Variants in LRRC75A observed in about 807,000 individuals in gnomAD.
LRRC75A encodes the protein leucine-rich repeat-containing protein 75A.
Under a neutral mutation model 26.0 loss-of-function variants are expected in LRRC75A, and 12 were observed. That is an observed-to-expected ratio of 0.46 (90% CI 0.30 to 0.75). LRRC75A has a LOEUF of 0.75. Among genes scored for constraint, LRRC75A ranks in the 30% least tolerant of loss-of-function variants. The pLI is 0.08. For missense variants in LRRC75A, 410 were observed against 486.6 expected (o/e 0.84, Z 1.48); for synonymous variants, 223 against 219.3 (o/e 1.02, Z -0.15).
chr17:16,473,138 T>C (rs2093811676), intron 1 of LRRC75A, among the ~76,000 whole-genome samples: 1 of 151,884 alleles, frequency 6.6e-6, no homozygotes, highest in Non-Finnish European at 1.5e-5. Context: ...TCTGTGTGTG[T>C]GTGTGTGTGT....
Position 16,492,149 on chromosome 17 carries a change from T to C in LRRC75A, c.-159A>G. The C allele has an allele frequency of 2.2e-6, 1 of 460,022 alleles. No homozygotes were observed. The highest frequency in any genetic ancestry group is 2.8e-6 in the Non-Finnish European group (1 of 352,926). 28.5% of individuals were successfully genotyped at this position (460,022 alleles called of 1,614,324 possible). Reference sequence around the variant, plus strand: ...GCGGGGGCGGGCGGGCGGGCGGCTGTCGGCGCTCCCCGCGCTCCTCCCTCT... The same window carrying C: ...GCGGGGGCGGGCGGGCGGGCGGCTGCCGGCGCTCCCCGCGCTCCTCCCTCT... On this transcript the variant is annotated 5_prime_UTR_variant, in exon 1 of 4. Coordinates refer to ENST00000470794, the MANE Select transcript of LRRC75A (RefSeq NM_001113567.3).
Position 16,491,822 on chromosome 17 carries a change from T to G in LRRC75A, c.169A>C (p.Met57Leu). 1 of 1,410,140 alleles carries G rather than the reference T, an allele frequency of 7.1e-7. No individual in the cohort carries two copies. Among genetic ancestry groups the G allele is most frequent in the Non-Finnish European group, 9.3e-7 (1 of 1,079,380 alleles). 87.4% of individuals were successfully genotyped at this position (1,410,140 alleles called of 1,614,324 possible). The part of the protein sequence containing the change: ...GMPPYHRRVG[M>L]VQELLRMVRQ... ...ACCATCCGCAGCAGCTCCTGGACCATGCCGACTCGCCGGTGGTAGGGGGGC... is the reference window on the plus strand; with the variant it reads ...ACCATCCGCAGCAGCTCCTGGACCAGGCCGACTCGCCGGTGGTAGGGGGGC... Residue 57 changes from methionine (M) to leucine (L), a missense_variant, in exon 1 of 4, where the codon ATG becomes CTG. By Grantham distance (15) the Met-to-Leu change is conservative. Coordinates refer to ENST00000470794, the MANE Select transcript of LRRC75A (RefSeq NM_001113567.3). The surrounding 1 kb of genome is among the most constrained non-coding windows in gnomAD (Gnocchi z 5.9).
At position 16,481,712 on chromosome 17, in the gene LRRC75A, C is replaced by T. The variant is rs529201564; in HGVS notation, c.246+10033G>A. On this transcript the variant is annotated intron_variant, in intron 1 of 3. Coordinates refer to ENST00000470794, the MANE Select transcript of LRRC75A (RefSeq NM_001113567.3). The stretch of plus-strand genomic sequence containing the variant: ...AGGGGAGACATGTCTCCTCCCCGAG[C>T]CCTGTCTGTGCTTGTCCTCATCCTG... Among the ~76,000 whole-genome samples, 32 of 152,210 alleles carry T rather than the reference C, an allele frequency of 2.1e-4. No homozygotes were observed. In the South Asian group the frequency reaches 6.6e-3, roughly 32 times the overall value.
At chr17:16,450,683 AG>A (rs1405666663) in intron 2 of LRRC75A, among the ~76,000 whole-genome samples, 1 of 152,194 alleles carries the variant, frequency 6.6e-6, no homozygotes, top group Non-Finnish European at 1.5e-5. Context: ...GAGGGAAGCA[AG>A]GCGGGTGAAG....
chr17:16,478,822 A>G (rs1052373135), intron 1 of LRRC75A: 6 of 152,208 alleles, frequency 3.9e-5, no homozygotes, highest in Non-Finnish European at 7.3e-5. Context: ...AAACGCCACA[A>G]TGCCAGAAGG....
intron 1 of LRRC75A, among the ~76,000 whole-genome samples, chr17:16,489,456 G>A (rs2093853062): frequency 6.6e-6 from 1 of 152,182 alleles, no homozygotes; most frequent in Non-Finnish European, 1.5e-5. Context: ...AGGCTTGTGT[G>A]TTCTCAAGGC....
chr17:16,447,688 T>G (rs2093597487), intron 3 of LRRC75A, among the ~76,000 whole-genome samples, 157 bp downstream of exon 3: 1 of 152,070 alleles, frequency 6.6e-6, no homozygotes. Context: ...TCTAGATGTT[T>G]CCCCACTCTG....
chr17:16,475,614 T>C (rs1009716441), intron 1 of LRRC75A, among the ~76,000 whole-genome samples: 1 of 152,186 alleles, frequency 6.6e-6, no homozygotes, highest in African/African-American at 2.4e-5. Context: ...TGTGGTGGTG[T>C]GATCCTAGCT....
At chr17:16,479,981 C>T (rs1478119999) in intron 1 of LRRC75A, among the ~76,000 whole-genome samples, 3 of 152,188 alleles carry the variant, frequency 2.0e-5, no homozygotes, top group East Asian at 1.9e-4. Flanking sequence ...ACCTGAGCTC[C>T]GCCTCCTGTC....
At position 16,443,495 on chromosome 17, in the gene LRRC75A, C is replaced by T. The variant is rs2093551716; in HGVS notation, c.*93G>A. ...GGCCCAGGCCAATTTTTGGCAATATCCTTAACCCACCTGATAGGAGAAGCG... is the reference window on the plus strand; with the variant it reads ...GGCCCAGGCCAATTTTTGGCAATATTCTTAACCCACCTGATAGGAGAAGCG... On this transcript the variant is annotated 3_prime_UTR_variant, in exon 4 of 4. Coordinates refer to ENST00000470794, the MANE Select transcript of LRRC75A (RefSeq NM_001113567.3). The T allele has an allele frequency of 2.4e-6, 3 of 1,267,924 alleles. No individual in the cohort carries two copies. The highest frequency in any genetic ancestry group is 1.1e-6 in the Non-Finnish European group (1 of 946,984). The allele number at this position is 1,267,924 out of a possible 1,614,324, so 78.5% of individuals were successfully genotyped here.
intron 1 of LRRC75A, among the ~76,000 whole-genome samples, chr17:16,472,961 T>G (rs1197069229): frequency 6.6e-6 from 1 of 152,196 alleles, no homozygotes; most frequent in African/African-American, 2.4e-5. Flanking sequence ...GAAATTTAAT[T>G]ACTTAAGTTA....
At chr17:16,457,605 A>G (rs12603277) in intron 2 of LRRC75A, among the ~76,000 whole-genome samples, 91,999 of 151,986 alleles carry the variant, frequency 0.61, 28,475 homozygotes, top group Non-Finnish European at 0.66. Context: ...GGCTGGTCTA[A>G]GTGAGCAACA....
intron 3 of LRRC75A, chr17:16,446,807 T>C (rs1425395679): frequency 4.3e-6 from 1 of 232,226 alleles, no homozygotes; most frequent in African/African-American, 2.4e-5. Flanking sequence ...GCCCCCCGTC[T>C]TGCTGTATCC....
intron 1 of LRRC75A, among the ~76,000 whole-genome samples, chr17:16,485,647 TG>T (rs2093844752): frequency 7.7e-6 from 1 of 129,602 alleles, no homozygotes; most frequent in Non-Finnish European, 1.7e-5. Flanking sequence ...TGTGTGTGTG[TG>T]TGTGTGTGTG....
rs2093538335 is a variant in LRRC75A at position 16,442,436 on chromosome 17, T to A, written c.*1152A>T. 1 of 152,316 alleles carries A rather than the reference T, an allele frequency of 6.6e-6. No individual in the cohort carries two copies. The highest frequency in any genetic ancestry group is 6.5e-5 in the Admixed American group (1 of 15,284). The allele number at this position is 152,316 out of a possible 1,614,324, so 9.4% of individuals were successfully genotyped here. ...TCCCAGTCTTCCTGGACTGAACTACTTGGATCTAGGGGTTGCCTGTTATTT... is the reference window on the plus strand; with the variant it reads ...TCCCAGTCTTCCTGGACTGAACTACATGGATCTAGGGGTTGCCTGTTATTT... On this transcript the variant is annotated 3_prime_UTR_variant, in exon 4 of 4. Transcript: ENST00000470794.
chr17:16,488,279 C>G lies in LRRC75A; in HGVS notation c.246+3466G>C, dbSNP rs2093850961. On this transcript the variant is annotated intron_variant, in intron 1 of 3. Transcript: ENST00000470794. ...GAGGAATGGCCTCTCCCATCCAAAGCTGGCTTGTTTTATCTCCACGAGCAT... is the reference window on the plus strand; with the variant it reads ...GAGGAATGGCCTCTCCCATCCAAAGGTGGCTTGTTTTATCTCCACGAGCAT... 3.3e-5 allele frequency among the ~76,000 whole-genome samples: 5 copies of G among 152,240 alleles called. No homozygotes were observed. The South Asian group carries it at 1.0e-3, about 31-fold the overall frequency.
chr17:16,452,413 G>A (rs945942204), intron 2 of LRRC75A, among the ~76,000 whole-genome samples: 4 of 149,774 alleles, frequency 2.7e-5, no homozygotes, highest in Non-Finnish European at 4.5e-5. Context: ...AATGATGGGT[G>A]GGTGGCTCAG....
In LRRC75A at chr17:16,462,438, G is replaced by A. The variant is rs764660209; in HGVS notation, c.247-52C>T. The A allele has an allele frequency of 5.5e-5, 88 of 1,607,676 alleles. No homozygotes were observed. The East Asian group carries it at 6.0e-4, about 11-fold the overall frequency. On this transcript the variant is annotated intron_variant, in intron 1 of 3. Coordinates refer to ENST00000470794, the MANE Select transcript of LRRC75A (RefSeq NM_001113567.3). This position sits in a 1 kb window ranked among gnomAD's most constrained non-coding sequence, Gnocchi z 4.6. ...TCAGGGCTGGCTGCCCACCCAGCTC[G>A]CCCACCATCCCCAAGAGAAGTAGGC...
chr17:16,459,620 G>C (rs2093712146), intron 2 of LRRC75A, among the ~76,000 whole-genome samples: 1 of 152,240 alleles, frequency 6.6e-6, no homozygotes, highest in African/African-American at 2.4e-5. Flanking sequence ...AGGATGTTCA[G>C]TGAGGTCCGT....
Sources: gnomAD v4.1 joint callset for allele counts (sites outside exome capture counted in the v4.1 genomes callset) on GRCh38, gnomAD v4.1.1 for gene constraint, Gnocchi (gnomAD v3.1) non-coding constraint, MANE v1.5 for transcripts, NCBI Gene and HGNC (gene_info 2026-07-23, HGNC 2026-07-21) for gene names.